The following ZBTB40 variants were observed in gnomAD, a reference collection of about 807,000 sequenced individuals.
ZBTB40 encodes zinc finger and BTB domain-containing protein 40.
ZBTB40 carries 60 observed loss-of-function variants against 117.5 expected under a neutral mutation model. The ratio of observed to expected loss-of-function variants is 0.51; its 90% confidence interval spans 0.41 to 0.63. The LOEUF is 0.63. Ranked by LOEUF, ZBTB40 falls within the 30% of genes least tolerant of loss-of-function variation. The probability of loss-of-function intolerance (pLI) is 0.00; values close to 1 mark genes in which losing one functional copy is unlikely to be tolerated. For missense variants in ZBTB40, 1,287 were observed against 1,498.5 expected (o/e 0.86, Z 2.33); for synonymous variants, 525 against 577.1 (o/e 0.91, Z 1.29).
chr1:22,496,107 A>G (rs1045827689), intron 3 of ZBTB40, among the ~76,000 whole-genome samples: 1 of 152,232 alleles, frequency 6.6e-6, no homozygotes, highest in Non-Finnish European at 1.5e-5. Context: ...ACCTGCATAC[A>G]ATGAGACACA....
At chr1:22,463,180 G>C (rs886553076) in intron 1 of ZBTB40, among the ~76,000 whole-genome samples, 3 of 152,166 alleles carry the variant, frequency 2.0e-5, no homozygotes, top group Admixed American at 6.5e-5. Flanking sequence ...GGTAAGAGGG[G>C]CAGAGCTGGG....
intron 1 of ZBTB40, among the ~76,000 whole-genome samples, chr1:22,481,512 C>T (rs1638316611): frequency 6.6e-6 from 1 of 151,748 alleles, no homozygotes; most frequent in East Asian, 1.9e-4. Context: ...TTCTTTTTCT[C>T]TTCTTATTTA....
chr1:22,514,114 G>A (rs1006907939), intron 12 of ZBTB40, among the ~76,000 whole-genome samples: 5 of 152,168 alleles, frequency 3.3e-5, no homozygotes. Context: ...TAACACCAGC[G>A]TGATGAGGAA....
chr1:22,509,694 G>T (rs571303242), intron 9 of ZBTB40, among the ~76,000 whole-genome samples: 6 of 152,146 alleles, frequency 3.9e-5, no homozygotes, highest in Non-Finnish European at 8.8e-5. Flanking sequence ...TTCCTAACAC[G>T]TTTGCTCTTT....
intron 1 of ZBTB40, among the ~76,000 whole-genome samples, 156 bp downstream of exon 1, chr1:22,452,160 T>C (rs1377345640): frequency 1.3e-5 from 2 of 152,162 alleles, no homozygotes; most frequent in East Asian, 1.9e-4. Context: ...ACCCCGGACG[T>C]GCCCCCTCCA....
At chr1:22,456,277 G>A (rs184888441) in intron 1 of ZBTB40, among the ~76,000 whole-genome samples, 4 of 152,236 alleles carry the variant, frequency 2.6e-5, no homozygotes, top group Admixed American at 1.3e-4. Flanking sequence ...GGCAGCCCTC[G>A]AGAGAGAAGG....
intron 1 of ZBTB40, among the ~76,000 whole-genome samples, chr1:22,456,417 G>C (rs924190270): frequency 2.0e-5 from 3 of 152,282 alleles, no homozygotes; most frequent in Admixed American, 6.5e-5. Context: ...GTAAGTCAGA[G>C]ATTGTTAATC....
chr1:22,482,234 T>C (rs1638340121), intron 1 of ZBTB40, among the ~76,000 whole-genome samples: 1 of 152,208 alleles, frequency 6.6e-6, no homozygotes, highest in Non-Finnish European at 1.5e-5. Context: ...CCCAACAATA[T>C]TAGGTACATG....
At chr1:22,479,397 A>T (rs996065812) in intron 1 of ZBTB40, among the ~76,000 whole-genome samples, 1 of 151,948 alleles carries the variant, frequency 6.6e-6, no homozygotes, top group Non-Finnish European at 1.5e-5. Flanking sequence ...TGAGTCTTTT[A>T]TGTTTGTTTA....
intron 1 of ZBTB40, 149 bp downstream of exon 1, chr1:22,452,153 C>T (rs1191956781): frequency 6.6e-6 from 1 of 152,560 alleles, no homozygotes; most frequent in African/African-American, 2.4e-5. Context: ...CACCTACACC[C>T]CGGACGTGCC....
At chr1:22,491,737 T>C (rs1638637005) in intron 3 of ZBTB40, among the ~76,000 whole-genome samples, 1 of 152,062 alleles carries the variant, frequency 6.6e-6, no homozygotes, top group African/African-American at 2.4e-5. Flanking sequence ...TACATCTTGA[T>C]CACCAGGAGA....
chr1:22,431,935 G>C (rs1024629671), intron 1 of ZBTB40, among the ~76,000 whole-genome samples: 2 of 151,414 alleles, frequency 1.3e-5, no homozygotes, highest in African/African-American at 4.9e-5. Flanking sequence ...GCTCCCGCCT[G>C]GTTTCCATTT....
In ZBTB40 at chr1:22,508,679, G is replaced by A. The variant is rs144579554; in HGVS notation, c.1647G>A (p.Leu549=). The A allele has an allele frequency of 1.0e-3, 1,664 of 1,614,162 alleles. 25 individuals are homozygous for A. The East Asian group carries it at 0.031, about 30-fold the overall frequency. ...VQETKTCPLD[L]LMEEIRREPG... The stretch of plus-strand genomic sequence containing the variant: ...AGACAAAGACCTGTCCATTGGACCT[G>A]CTCATGGAGGAAATACGAAGGGAGC... Residue 549 remains leucine, a synonymous_variant, in exon 8 of 18, where the codon CTG becomes CTA. Coordinates refer to ENST00000375647, the MANE Select transcript of ZBTB40 (RefSeq NM_014870.4).
intron 1 of ZBTB40, among the ~76,000 whole-genome samples, chr1:22,464,809 T>C (rs938305872): frequency 2.6e-5 from 4 of 152,220 alleles, no homozygotes; most frequent in Admixed American, 6.5e-5. Flanking sequence ...GTTTTCTTTT[T>C]AGTATATCGA....
chr1:22,467,302 C>CA (rs933222452), intron 1 of ZBTB40, among the ~76,000 whole-genome samples: 4 of 152,076 alleles, frequency 2.6e-5, no homozygotes, highest in African/African-American at 9.7e-5. Context: ...TACTTTTCCC[C>CA]ACCCTGCAAA....
chr1:22,504,909 A>G (rs928250356), intron 5 of ZBTB40, among the ~76,000 whole-genome samples: 2 of 152,234 alleles, frequency 1.3e-5, no homozygotes, highest in African/African-American at 4.8e-5. Context: ...TAGCTCTGAA[A>G]TCAGTATGGT....
chr1:22,459,189 A>G lies in ZBTB40; in HGVS notation c.-70+7185A>G, dbSNP rs907070105. Among the ~76,000 whole-genome samples the G allele has an allele frequency of 2.0e-5, 3 of 152,166 alleles. 1 individual carries two copies. The South Asian group carries it at 6.2e-4, about 32-fold the overall frequency. ...GTATATATTGTTTTATTTCTATCCAAGTTTTATATCTTTATATAGTTGTGT... is the reference window on the plus strand; with the variant it reads ...GTATATATTGTTTTATTTCTATCCAGGTTTTATATCTTTATATAGTTGTGT... On this transcript the variant is annotated intron_variant, in intron 1 of 17. Transcript: ENST00000375647.
chr1:22,501,274 A>G (rs1424148238), intron 3 of ZBTB40, among the ~76,000 whole-genome samples: 1 of 152,214 alleles, frequency 6.6e-6, no homozygotes, highest in Admixed American at 6.5e-5. Context: ...AGGTTAGAGC[A>G]TGGAGTCGTG....
chr1:22,468,016 G>A (rs927110230), intron 1 of ZBTB40, among the ~76,000 whole-genome samples: 5 of 151,290 alleles, frequency 3.3e-5, no homozygotes, highest in African/African-American at 1.2e-4. Context: ...TTCAGCCCAG[G>A]TGGTCAAGGC....
Sources: gnomAD v4.1 joint callset for allele counts (sites outside exome capture counted in the v4.1 genomes callset) on GRCh38, gnomAD v4.1.1 for gene constraint, MANE v1.5 for transcripts, NCBI Gene and HGNC (gene_info 2026-07-23, HGNC 2026-07-21) for gene names.